Variants in FADS2 observed in about 807,000 individuals in gnomAD.
FADS2 encodes fatty acid desaturase 2, also known as acyl-CoA 6-desaturase.
FADS2 carries 18 observed loss-of-function variants against 61.2 expected under a neutral mutation model. That is an observed-to-expected ratio of 0.29 (90% CI 0.20 to 0.44). The LOEUF is 0.44. FADS2 is among the 20% of genes least tolerant of loss of function. The pLI is 1.00. For synonymous variants in FADS2, 203 were observed against 223.9 expected, an observed-to-expected ratio of 0.91 and a Z score of 0.83; for missense variants, 322 against 572.7, an observed-to-expected ratio of 0.56 and a Z score of 4.47.
intron 5 of FADS2, among the ~76,000 whole-genome samples, chr11:61,853,447 T>G (rs2067328309): frequency 6.6e-6 from 1 of 152,120 alleles, no homozygotes; most frequent in African/African-American, 2.4e-5. Flanking sequence ...GAGCTGAGTT[T>G]AATAGCGGTG....
chr11:61,852,399 T>C (rs1194897688), intron 5 of FADS2, among the ~76,000 whole-genome samples: 1 of 152,196 alleles, frequency 6.6e-6, no homozygotes, highest in East Asian at 1.9e-4. Context: ...TAGCTGGGAC[T>C]ACAGGCACCC....
intron 6 of FADS2, 105 bp downstream of exon 6, chr11:61,857,176 C>A (rs2135975417): frequency 1.9e-6 from 2 of 1,059,298 alleles, no homozygotes; most frequent in Admixed American, 1.8e-5. Flanking sequence ...GAAAGTGACA[C>A]TAAACTTGTT....
In FADS2 at chr11:61,816,772, A is replaced by G. The variant is rs1243676304; in HGVS notation, c.141+346A>G. 1.3e-6 allele frequency: 2 copies of G among 1,523,538 alleles called. No homozygotes were observed. The highest frequency in any genetic ancestry group is 2.4e-5 in the South Asian group (2 of 82,100). The allele number at this position is 1,523,538 out of a possible 1,614,324, so 94.4% of individuals were successfully genotyped here. A position where few individuals can be genotyped will look rare whatever the true frequency, so the allele number is the denominator to read the frequency against. On this transcript the variant is annotated intron_variant, in intron 1 of 11. Coordinates refer to the FADS2 transcript ENST00000257261. The surrounding 1 kb of genome is among the most constrained non-coding windows in gnomAD (Gnocchi z 7.0). Reference sequence around the variant, plus strand: ...GTCGGGGGCCATAGCTGGCCTGGCGACGCCGCGCGCCGGGCCAGCAGGGGC... The same window carrying G: ...GTCGGGGGCCATAGCTGGCCTGGCGGCGCCGCGCGCCGGGCCAGCAGGGGC...
chr11:61,841,530 C>G (rs11819889), intron 4 of FADS2, among the ~76,000 whole-genome samples: 10 of 149,778 alleles, frequency 6.7e-5, no homozygotes, highest in African/African-American at 9.9e-5. Flanking sequence ...GAGACCCCCC[C>G]CCATCTCTCA....
chr11:61,860,770 G>A (rs973200567), intron 7 of FADS2, among the ~76,000 whole-genome samples: 2 of 152,260 alleles, frequency 1.3e-5, no homozygotes, highest in East Asian at 1.9e-4. Context: ...AAAGCTGGGC[G>A]TGGTGATGCG....
intron 1 of FADS2, chr11:61,817,298 A>G: frequency 4.4e-6 from 1 of 225,242 alleles, no homozygotes; most frequent in Non-Finnish European, 8.6e-6. Flanking sequence ...CGGGGTCTCC[A>G]GACGCTGACC....
chr11:61,845,906 C>G (rs899849230), intron 4 of FADS2, among the ~76,000 whole-genome samples: 9 of 152,130 alleles, frequency 5.9e-5, no homozygotes, highest in Non-Finnish European at 1.0e-4. Flanking sequence ...CTCACTGCCT[C>G]CTTGTTGTCA....
At chr11:61,844,200 A>G (rs2067238111) in intron 4 of FADS2, among the ~76,000 whole-genome samples, 2 of 152,220 alleles carry the variant, frequency 1.3e-5, no homozygotes, top group Non-Finnish European at 2.9e-5. Flanking sequence ...CTAAGTGTAA[A>G]TGCTTTATTT....
At chr11:61,839,329 C>CA (rs529669545) in intron 2 of FADS2, among the ~76,000 whole-genome samples, 1 of 146,626 alleles carries the variant, frequency 6.8e-6, no homozygotes. Flanking sequence ...TTCTTTCTTT[C>CA]TTTTTTTTTT....
At position 61,862,967 on chromosome 11, in the gene FADS2, C is replaced by T. The variant is rs568157238; in HGVS notation, c.883-5C>T. 30 of 1,613,690 alleles carry T rather than the reference C, an allele frequency of 1.9e-5. No homozygotes were observed. Among genetic ancestry groups the T allele is most frequent in the African/African-American group, 1.7e-4 (13 of 75,046 alleles). The stretch of plus-strand genomic sequence containing the variant: ...GGTTGCACCTAACTTCATCTTTCCC[C>T]GCAGGACCTGGCCTGGGCCGTCAGC... On this transcript the variant is annotated splice_region_variant and splice_polypyrimidine_tract_variant and intron_variant, in intron 7 of 11. Transcript: ENST00000278840.
intron 1 of FADS2, among the ~76,000 whole-genome samples, chr11:61,819,110 G>A (rs1217284619): frequency 3.9e-5 from 6 of 152,008 alleles, no homozygotes; most frequent in African/African-American, 7.2e-5. Flanking sequence ...TCCTGACCTC[G>A]TGATCTGCCC....
Position 61,828,621 on chromosome 11 carries a change from C to T in FADS2, c.207+24C>T. ...CGGTAAGGGTCTGGGGGCGCCCCAG[C>T]CACCCTTCTCTGCTGCAGGCGGAGT... is the stretch of plus-strand genomic sequence containing the variant. On this transcript the variant is annotated intron_variant, in intron 1 of 11. Transcript: ENST00000278840. This position sits in a 1 kb window ranked among gnomAD's most constrained non-coding sequence, Gnocchi z 6.4. The T allele has an allele frequency of 1.3e-6, 2 of 1,594,482 alleles. No homozygotes were observed. The highest frequency in any genetic ancestry group is 8.6e-7 in the Non-Finnish European group (1 of 1,166,482).
At chr11:61,845,338 T>A (rs1317429444) in intron 4 of FADS2, among the ~76,000 whole-genome samples, 1 of 152,112 alleles carries the variant, frequency 6.6e-6, no homozygotes, top group Non-Finnish European at 1.5e-5. Context: ...TGTCTCTTGG[T>A]TCACCTCCCA....
intron 4 of FADS2, among the ~76,000 whole-genome samples, chr11:61,844,732 T>C (rs1039087930): frequency 1.3e-5 from 2 of 151,562 alleles, no homozygotes; most frequent in African/African-American, 4.8e-5. Context: ...GAGACCATCC[T>C]GGCTAACACG....
intron 1 of FADS2, among the ~76,000 whole-genome samples, chr11:61,830,082 C>T (rs555870833): frequency 2.0e-5 from 3 of 152,338 alleles, no homozygotes; most frequent in African/African-American, 2.4e-5. Context: ...ACCTTCAGTG[C>T]TATCTCACCT....
chr11:61,857,005 C>T lies in FADS2; in HGVS notation c.745-6C>T, dbSNP rs957283741. 6.2e-6 allele frequency: 10 copies of T among 1,613,234 alleles called. No homozygotes were observed. The African/African-American group carries it at 1.2e-4, about 19-fold the overall frequency. On this transcript the variant is annotated splice_polypyrimidine_tract_variant and splice_region_variant and intron_variant, in intron 5 of 11. Coordinates refer to ENST00000278840, the MANE Select transcript of FADS2 (RefSeq NM_004265.4). The stretch of plus-strand genomic sequence containing the variant: ...TGGGTGCTCATGATCTCTCCTCTCT[C>T]CTCAGTACGGCAAGAAGAAGCTGAA...
chr11:61,853,948 A>G (rs1481102698), intron 5 of FADS2, among the ~76,000 whole-genome samples: 1 of 152,080 alleles, frequency 6.6e-6, no homozygotes, highest in Non-Finnish European at 1.5e-5. Flanking sequence ...CCAGGCCCTC[A>G]TCCAAGCCTG....
Position 61,816,780 on chromosome 11 carries a change from CGCCGGGCCAGCAGGGGCT to C in FADS2, c.141+356_141+373del, listed in dbSNP as rs2066988964. Reference sequence around the variant, plus strand: ...CCATAGCTGGCCTGGCGACGCCGCGCGCCGGGCCAGCAGGGGCTGTCAGGCGCGTGCTCGGGGTCCGCG... The same window carrying C: ...CCATAGCTGGCCTGGCGACGCCGCGCGTCAGGCGCGTGCTCGGGGTCCGCG... On this transcript the variant is annotated intron_variant, in intron 1 of 11. Transcript: ENST00000257261. The surrounding 1 kb of genome is among the most constrained non-coding windows in gnomAD (Gnocchi z 7.0). The C allele has an allele frequency of 1.2e-5, 18 of 1,519,630 alleles. No individual in the cohort carries two copies. Among genetic ancestry groups the C allele is most frequent in the Non-Finnish European group, 1.5e-5 (17 of 1,139,454 alleles). 94.1% of individuals were successfully genotyped at this position (1,519,630 alleles called of 1,614,324 possible).
upstream of FADS2, chr11:61,826,200 T>C (rs2135951470): frequency 1.4e-6 from 1 of 702,544 alleles, no homozygotes; most frequent in East Asian, 2.7e-5. Flanking sequence ...TTGAGCCCCA[T>C]CTACCGCCGG....
Sources: allele counts gnomAD v4.1 joint callset (sites outside exome capture counted in the v4.1 genomes callset), GRCh38; gene constraint gnomAD v4.1.1; non-coding constraint Gnocchi (gnomAD v3.1); transcripts MANE v1.5; gene names NCBI Gene and HGNC (gene_info 2026-07-23, HGNC 2026-07-21).